Variants in TMIE observed in about 807,000 individuals in gnomAD.
TMIE encodes transmembrane inner ear, also known as transmembrane inner ear expressed protein.
Under a neutral mutation model 16.8 loss-of-function variants are expected in TMIE, and 14 were observed. That is an observed-to-expected ratio of 0.83 (90% CI 0.55 to 1.30). The LOEUF (loss-of-function observed/expected upper bound fraction) is 1.30. TMIE is among the 50% of genes most tolerant of loss of function. The probability of loss-of-function intolerance (pLI) is 0.00; values close to 1 mark genes in which losing one functional copy is unlikely to be tolerated. For synonymous variants in TMIE, 75 were observed against 87.2 expected (o/e 0.86, Z 0.78); for missense variants, 204 against 205.9 (o/e 0.99, Z 0.06).
At chr3:46,704,218 C>T (rs1368891292) in intron 1 of TMIE, among the ~76,000 whole-genome samples, 4 of 145,456 alleles carry the variant, frequency 2.7e-5, no homozygotes, top group Non-Finnish European at 4.5e-5. Flanking sequence ...ATCCCCTAGA[C>T]ACCCAGGGCG....
At chr3:46,703,894 G>C (rs1050561036) in intron 1 of TMIE, among the ~76,000 whole-genome samples, 2 of 152,162 alleles carry the variant, frequency 1.3e-5, no homozygotes, top group African/African-American at 4.8e-5. Context: ...GGGACTTCTC[G>C]TGTCTGTCCT....
chr3:46,703,654 G>C (rs1173519087), intron 1 of TMIE, among the ~76,000 whole-genome samples: 1 of 152,174 alleles, frequency 6.6e-6, no homozygotes, highest in African/African-American at 2.4e-5. Flanking sequence ...CCCTGGCAGG[G>C]AGAAAAGAGC....
upstream of TMIE, chr3:46,701,195 C>G (rs1173278486): frequency 2.7e-6 from 1 of 364,692 alleles, no homozygotes; most frequent in African/African-American, 2.1e-5. This position sits in a 1 kb window ranked among gnomAD's most constrained non-coding sequence, Gnocchi z 4.3. Flanking sequence ...GGACCTGGCC[C>G]CAGCCTGTCC....
At chr3:46,701,036 C>CA (rs1700463965), upstream of TMIE, among the ~76,000 whole-genome samples, 1 of 151,878 alleles carries the variant, frequency 6.6e-6, no homozygotes, top group African/African-American at 2.4e-5. The surrounding 1 kb of genome is among the most constrained non-coding windows in gnomAD (Gnocchi z 4.3). Context: ...GCTCTGCCCC[C>CA]CCCCCAAACT....
At chr3:46,702,379 T>C (rs961612643) in intron 1 of TMIE, among the ~76,000 whole-genome samples, 1 of 152,052 alleles carries the variant, frequency 6.6e-6, no homozygotes, top group Admixed American at 6.5e-5. Context: ...GTGGAGAGCC[T>C]GGCTGGGGCC....
At position 46,710,312 on chromosome 3, in the gene TMIE, G is replaced by A. The variant is rs1303390136; in HGVS notation, c.*624G>A. On this transcript the variant is annotated 3_prime_UTR_variant, in exon 4 of 4. Transcript: ENST00000643606. ...AGCAGACATCAAGCTCAAGGCAATG[G>A]GCTACCCTCATTTCACACGTTGTGA... 2 of 166,668 alleles carry A rather than the reference G, an allele frequency of 1.2e-5. No individual in the cohort carries two copies. The highest frequency in any genetic ancestry group is 5.5e-5 in the Admixed American group (1 of 18,132). The allele number at this position is 166,668 out of a possible 1,614,324, so 10.3% of individuals were successfully genotyped here. A position where few individuals can be genotyped will look rare whatever the true frequency, so the allele number is the denominator to read the frequency against.
intron 3 of TMIE, 118 bp downstream of exon 3, chr3:46,709,393 C>G: frequency 6.3e-7 from 1 of 1,592,374 alleles, no homozygotes; most frequent in Admixed American, 1.7e-5. Flanking sequence ...CCCAGCCCTG[C>G]CCCTGGAGAC....
upstream of TMIE, among the ~76,000 whole-genome samples, chr3:46,701,040 C>CT (rs947713074): frequency 6.6e-6 from 1 of 151,840 alleles, no homozygotes; most frequent in African/African-American, 2.4e-5. The surrounding 1 kb of genome is among the most constrained non-coding windows in gnomAD (Gnocchi z 4.3). Flanking sequence ...TGCCCCCCCC[C>CT]CAAACTCAAA....
Position 46,705,810 on chromosome 3 carries a change from G to A in TMIE, c.114G>A (p.Lys38=). ...CACAGCCCAGCACGGCCCCACCCAAGCCCAAGCCGCCTCCGCTGACCAAGG... is the reference window on the plus strand; with the variant it reads ...CACAGCCCAGCACGGCCCCACCCAAACCCAAGCCGCCTCCGCTGACCAAGG... The part of the protein sequence containing the change: ...QLVEPSTAPP[K]PKPPPLTKET... Residue 38 remains lysine, a synonymous_variant, in exon 2 of 4, where the codon AAG becomes AAA. Transcript: ENST00000643606. 6.2e-7 allele frequency: 1 copy of A among 1,614,042 alleles called. No individual in the cohort carries two copies. The highest frequency in any genetic ancestry group is 8.5e-7 in the Non-Finnish European group (1 of 1,180,030).
intron 2 of TMIE, among the ~76,000 whole-genome samples, chr3:46,708,521 G>T (rs889006056): frequency 1.3e-5 from 2 of 152,246 alleles, no homozygotes; most frequent in African/African-American, 4.8e-5. Flanking sequence ...CAACTGGCGT[G>T]GGTGCAGCTG....
At chr3:46,709,084 T>G in intron 2 of TMIE, 42 bp from the exon 3 acceptor site, 3 of 1,613,100 alleles carry the variant, frequency 1.9e-6, no homozygotes, top group Non-Finnish European at 2.5e-6. Flanking sequence ...CTTGGGTCTC[T>G]GAACCCCAGC....
chr3:46,700,941 G>A (rs1700461984), upstream of TMIE, among the ~76,000 whole-genome samples: 1 of 152,072 alleles, frequency 6.6e-6, no homozygotes, highest in Admixed American at 6.5e-5. Flanking sequence ...CTGGTGTCCA[G>A]GGTGACCAGA....
intron 2 of TMIE, among the ~76,000 whole-genome samples, chr3:46,708,536 C>T (rs2106786068): frequency 6.6e-6 from 1 of 152,352 alleles, no homozygotes; most frequent in East Asian, 1.9e-4. Flanking sequence ...CAGCTGCCCT[C>T]AGCCGGAAAA....
chr3:46,703,375 T>C (rs1426604225), intron 1 of TMIE, among the ~76,000 whole-genome samples: 1 of 152,094 alleles, frequency 6.6e-6, no homozygotes, highest in Non-Finnish European at 1.5e-5. Flanking sequence ...CTGCCTTGGC[T>C]CAGAACCTGA....
chr3:46,705,840 A>G lies in TMIE; in HGVS notation c.144A>G (p.Thr48=), dbSNP rs886058573. The part of the protein sequence containing the change: ...KPKPPPLTKE[T]VVFWDMRLWH... The stretch of plus-strand genomic sequence containing the variant: ...AGCCGCCTCCGCTGACCAAGGAGAC[A>G]GTGGTGTTCTGGGACATGCGCCTGT... The change falls in exon 2 of 4, where the codon ACA becomes ACG. Residue 48 remains threonine (T), a synonymous_variant. Coordinates refer to ENST00000643606, the MANE Select transcript of TMIE (RefSeq NM_147196.3). The G allele has an allele frequency of 1.9e-6, 3 of 1,614,134 alleles. No individual in the cohort carries two copies. Among genetic ancestry groups the G allele is most frequent in the Non-Finnish European group, 2.5e-6 (3 of 1,180,038 alleles).
rs1161942485 is a variant in TMIE at position 46,705,897 on chromosome 3, G to A, written c.201G>A (p.Val67=). 1.9e-6 allele frequency: 3 copies of A among 1,614,084 alleles called. No homozygotes were observed. The highest frequency in any genetic ancestry group is 1.1e-5 in the South Asian group (1 of 91,088). The change falls in exon 2 of 4, where the codon GTG becomes GTA. Residue 67 remains valine, a synonymous_variant. Coordinates refer to ENST00000643606, the MANE Select transcript of TMIE (RefSeq NM_147196.3). ...TGGTGGGCATCTTTTCGCTCTTCGT[G>A]TTGTCCATCAGTGAGTAGCTGTTCC... The part of the protein sequence containing the change: ...WHVVGIFSLF[V]LSIIITLCCV...
At chr3:46,708,205 G>A (rs1354655739) in intron 2 of TMIE, among the ~76,000 whole-genome samples, 1 of 152,168 alleles carries the variant, frequency 6.6e-6, no homozygotes, top group Non-Finnish European at 1.5e-5. Context: ...GTCTGAAGGG[G>A]TTCTGACTTG....
chr3:46,697,525 T>G (rs1190637064), upstream of TMIE, among the ~76,000 whole-genome samples: 1 of 152,106 alleles, frequency 6.6e-6, no homozygotes, highest in Non-Finnish European at 1.5e-5. Context: ...GCCCTATGCA[T>G]CTCTTCAGCT....
intron 1 of TMIE, among the ~76,000 whole-genome samples, chr3:46,703,991 G>A (rs1575468565): frequency 6.6e-6 from 1 of 152,160 alleles, no homozygotes; most frequent in East Asian, 1.9e-4. Flanking sequence ...CTGTCCCTCA[G>A]CCACACTAAG....
Sources: allele counts gnomAD v4.1 joint callset (sites outside exome capture counted in the v4.1 genomes callset), GRCh38; gene constraint gnomAD v4.1.1; non-coding constraint Gnocchi (gnomAD v3.1); transcripts MANE v1.5; gene names NCBI Gene and HGNC (gene_info 2026-07-23, HGNC 2026-07-21).